MAT1A: variants seen among roughly 807,000 people sequenced by gnomAD.
MAT1A encodes the protein S-adenosylmethionine synthase isoform type-1.
A neutral mutation model predicts 44.0 loss-of-function variants in MAT1A; 19 were observed. The observed-to-expected ratio is 0.43, with a 90% CI of 0.30 to 0.63. The LOEUF (loss-of-function observed/expected upper bound fraction) is 0.63, where lower values mean the gene tolerates loss of function less well. MAT1A is among the 30% of genes least tolerant of loss of function. The pLI is 0.12. For missense variants in MAT1A, 397 were observed against 531.0 expected (o/e 0.75, Z 2.48); for synonymous variants, 205 against 205.6 (o/e 1.00, Z 0.03).
At chr10:80,275,484 T>A in intron 6 of MAT1A, 1 of 497,992 alleles carries the variant, frequency 2.0e-6, no homozygotes, top group South Asian at 2.0e-5. Flanking sequence ...CCTTTGTTAC[T>A]GAGTCCATCA....
intron 6 of MAT1A, among the ~76,000 whole-genome samples, chr10:80,276,010 C>T (rs1199318851): frequency 6.6e-6 from 1 of 152,166 alleles, no homozygotes. Context: ...AAACAGCCAC[C>T]CGGGAACAGC....
chr10:80,273,779 C>G lies in MAT1A; in HGVS notation c.*2G>C, dbSNP rs770937613. ...TGAGACCAGGCCCAGCTCCCCCTGGCTCTAAAATACAAGCTTCCTGGGAAC... is the reference window on the plus strand; with the variant it reads ...TGAGACCAGGCCCAGCTCCCCCTGGGTCTAAAATACAAGCTTCCTGGGAAC... On this transcript the variant is annotated 3_prime_UTR_variant, in exon 9 of 9. Transcript: ENST00000372213. 2.1e-5 allele frequency: 34 copies of G among 1,607,568 alleles called. No homozygotes were observed. The highest frequency in any genetic ancestry group is 2.8e-5 in the Non-Finnish European group (33 of 1,174,802).
rs1372567205 is a variant in MAT1A, at chr10:80,273,271, A to C, written c.*510T>G. 5.1e-6 allele frequency: 1 copy of C among 195,748 alleles called. No individual in the cohort carries two copies. The highest frequency in any genetic ancestry group is 1.1e-5 in the Non-Finnish European group (1 of 95,026). The allele number at this position is 195,748 out of a possible 1,614,324, so 12.1% of individuals were successfully genotyped here. A position where few individuals can be genotyped will look rare whatever the true frequency, so the allele number is the denominator to read the frequency against. On this transcript the variant is annotated 3_prime_UTR_variant, in exon 9 of 9. Coordinates refer to ENST00000372213, the MANE Select transcript of MAT1A (RefSeq NM_000429.3). ...CCCTCGCACATTACAGGTGCTTAGG[A>C]GACATCAGTCCTGCTCTAACCCCTG...
intron 5 of MAT1A, among the ~76,000 whole-genome samples, chr10:80,278,027 C>T (rs543479871): frequency 1.3e-5 from 2 of 152,346 alleles, no homozygotes; most frequent in South Asian, 4.1e-4. Context: ...CCTAGACAAG[C>T]TGTGCCTGGC....
chr10:80,289,606 G>A lies in MAT1A; in HGVS notation c.-183C>T, dbSNP rs1841695557. ...CGTGAGAACAGGCGAGGACTGCTGA[G>A]AAGGGAGGGAGTGGATGGAACACGG... On this transcript the variant is annotated 5_prime_UTR_variant, in exon 1 of 9. Coordinates refer to ENST00000372213, the MANE Select transcript of MAT1A (RefSeq NM_000429.3). 1 of 652,916 alleles carries A rather than the reference G, an allele frequency of 1.5e-6. No homozygotes were observed. The highest frequency in any genetic ancestry group is 1.6e-5 in the South Asian group (1 of 60,946). The allele number at this position is 652,916 out of a possible 1,614,324, so 40.4% of individuals were successfully genotyped here. A position where few individuals can be genotyped will look rare whatever the true frequency, so the allele number is the denominator to read the frequency against.
chr10:80,282,161 T>G (rs901125118), intron 3 of MAT1A, among the ~76,000 whole-genome samples: 1 of 152,208 alleles, frequency 6.6e-6, no homozygotes, highest in Non-Finnish European at 1.5e-5. Context: ...GTTTACCTAA[T>G]CACTGTCTGT....
intron 6 of MAT1A, among the ~76,000 whole-genome samples, chr10:80,275,670 C>T (rs1841476357): frequency 6.6e-6 from 1 of 152,234 alleles, no homozygotes; most frequent in Non-Finnish European, 1.5e-5. Context: ...GGGAAGTCTG[C>T]CTGCTCTACT....
At chr10:80,279,106 A>C (rs535258346) in intron 5 of MAT1A, among the ~76,000 whole-genome samples, 6 of 152,206 alleles carry the variant, frequency 3.9e-5, no homozygotes, top group Non-Finnish European at 7.3e-5. Flanking sequence ...AGGAAGCCCA[A>C]AGTTGTAGAA....
At chr10:80,278,571 T>C (rs1011007093) in intron 5 of MAT1A, among the ~76,000 whole-genome samples, 2 of 152,162 alleles carry the variant, frequency 1.3e-5, no homozygotes, top group African/African-American at 2.4e-5. Context: ...ACTCACAACC[T>C]CCAAGAACAC....
Position 80,276,599 on chromosome 10 carries a change from C to T in MAT1A, c.550-5G>A, listed in dbSNP as rs761943871. ...CTGCATGTACTGAACTGTCACCTGT[C>T]CATCAGAAGGGTGGGGGAGATACTG... On this transcript the variant is annotated splice_polypyrimidine_tract_variant and splice_region_variant and intron_variant, in intron 5 of 8. Transcript: ENST00000372213. 7.3e-5 allele frequency: 117 copies of T among 1,609,206 alleles called. No individual in the cohort carries two copies. The highest frequency in any genetic ancestry group is 9.7e-5 in the Non-Finnish European group (114 of 1,179,794).
intron 2 of MAT1A, among the ~76,000 whole-genome samples, chr10:80,285,054 T>G (rs1016732359): frequency 1.3e-5 from 2 of 152,082 alleles, no homozygotes; most frequent in African/African-American, 4.8e-5. Flanking sequence ...TACCACAAAC[T>G]AGGAAAGAAA....
At chr10:80,282,187 C>T (rs1841576126) in intron 3 of MAT1A, among the ~76,000 whole-genome samples, 1 of 152,154 alleles carries the variant, frequency 6.6e-6, no homozygotes, top group Non-Finnish European at 1.5e-5. Flanking sequence ...TAATGAATCT[C>T]CCCAGGGCTC....
chr10:80,285,723 T>C, intron 1 of MAT1A, 134 bp from the exon 2 acceptor site: 1 of 681,032 alleles, frequency 1.5e-6, no homozygotes, highest in Non-Finnish European at 2.7e-6. Flanking sequence ...TTTTTTTAAG[T>C]ATAAGAAATT....
intron 3 of MAT1A, among the ~76,000 whole-genome samples, chr10:80,282,610 G>A (rs571825105): frequency 6.0e-4 from 92 of 152,324 alleles, no homozygotes; most frequent in Non-Finnish European, 1.3e-3. Context: ...CTGGGACAAT[G>A]TGTTTCCTCT....
chr10:80,276,694 A>G, intron 5 of MAT1A, 100 bp from the exon 6 acceptor site: 3 of 1,149,492 alleles, frequency 2.6e-6, no homozygotes, highest in Non-Finnish European at 2.6e-6. Flanking sequence ...CAGGGCTCCC[A>G]GGAGCCAAGT....
At chr10:80,279,277 A>C (rs944503716) in intron 5 of MAT1A, among the ~76,000 whole-genome samples, 1 of 152,034 alleles carries the variant, frequency 6.6e-6, no homozygotes, top group African/African-American at 2.4e-5. Context: ...GGGGTGCTTG[A>C]TGGGGTAAAC....
At chr10:80,280,631 C>T in intron 4 of MAT1A, 49 bp downstream of exon 4, 1 of 1,523,946 alleles carries the variant, frequency 6.6e-7, no homozygotes, top group Non-Finnish European at 9.1e-7. Flanking sequence ...TGCTCATGAA[C>T]TTTCCCAGCC....
Position 80,276,462 on chromosome 10 carries a change from T to TG in MAT1A, c.681dup (p.Arg228GlnfsTer38), listed in dbSNP as rs1564646025. The TG allele has an allele frequency of 1.2e-6, 2 of 1,614,184 alleles. No individual in the cohort carries two copies. Among genetic ancestry groups the TG allele is most frequent in the Non-Finnish European group, 1.7e-6 (2 of 1,180,044 alleles). Reference sequence around the variant, plus strand: ...AGGTACTTGGCCGGCACCACGGCCCTGATGACTTGCTCCTTCAGGGCCCTG... The same window carrying TG: ...AGGTACTTGGCCGGCACCACGGCCCTGGATGACTTGCTCCTTCAGGGCCCTG... On this transcript the variant is annotated frameshift_variant, in exon 6 of 9. Transcript: ENST00000372213. LOFTEE classifies it high-confidence loss of function.
chr10:80,278,163 C>T (rs951064466), intron 5 of MAT1A, among the ~76,000 whole-genome samples: 3 of 152,222 alleles, frequency 2.0e-5, no homozygotes, highest in African/African-American at 7.2e-5. Context: ...GCCCGCGGTC[C>T]TGCCTGTGGC....
Sources: gnomAD v4.1 joint callset for allele counts (sites outside exome capture counted in the v4.1 genomes callset) on GRCh38, gnomAD v4.1.1 for gene constraint, MANE v1.5 for transcripts, NCBI Gene and HGNC (gene_info 2026-07-23, HGNC 2026-07-21) for gene names.